The following CLNK variants were observed in gnomAD, a reference collection of about 807,000 sequenced individuals.
CLNK encodes the protein cytokine dependent hematopoietic cell linker, also known as cytokine-dependent hematopoietic cell linker.
A neutral mutation model predicts 68.6 loss-of-function variants in CLNK; 74 were observed. The ratio of observed to expected loss-of-function variants is 1.08; its 90% CI spans 0.89 to 1.31. CLNK has a LOEUF of 1.31. CLNK is among the 50% of genes most tolerant of loss of function. The pLI is 0.00. For missense variants in CLNK, 553 were observed against 515.3 expected, an observed-to-expected ratio of 1.07 and a Z score of -0.71; for synonymous variants, 198 against 172.2, an observed-to-expected ratio of 1.15 and a Z score of -1.17.
chr4:10,516,408 C>T (rs1055621962), intron 15 of CLNK, among the ~76,000 whole-genome samples: 3 of 152,148 alleles, frequency 2.0e-5, no homozygotes, highest in African/African-American at 7.2e-5. Context: ...ATTAATTAAA[C>T]ATTAGCAAAT....
the CLNK span, among the ~76,000 whole-genome samples, chr4:10,702,085 T>A: frequency 1.3e-5 from 2 of 152,186 alleles, no homozygotes; most frequent in African/African-American, 4.8e-5. Flanking sequence ...TGTAAAGACG[T>A]CCCTAGTTTA....
At chr4:10,532,877 C>T (rs990548989) in intron 11 of CLNK, among the ~76,000 whole-genome samples, 1 of 152,232 alleles carries the variant, frequency 6.6e-6, no homozygotes, top group Non-Finnish European at 1.5e-5. Flanking sequence ...AGTCAATTAA[C>T]TTCTCTAAAC....
intron 4 of CLNK, 54 bp from the exon 5 acceptor site, chr4:10,571,832 A>T (rs1282064499): frequency 1.2e-5 from 17 of 1,395,858 alleles, no homozygotes; most frequent in Non-Finnish European, 1.7e-5. Context: ...AGCTCCAAAC[A>T]TCAAAAAGAC....
chr4:10,693,203 G>A, the CLNK span, among the ~76,000 whole-genome samples: 2 of 152,214 alleles, frequency 1.3e-5, no homozygotes, highest in Non-Finnish European at 2.9e-5. Context: ...GCAATGTGAA[G>A]TGATTCTGAT....
rs185322762 is a variant in CLNK at position 10,496,411 on chromosome 4, C to T, written c.1140+4845G>A. ...TTCTTCCTCAGCAAGACAAAAGGCT[C>T]ACGCTGTGAAAAGCATGAGGGAACT... On this transcript the variant is annotated intron_variant, in intron 18 of 18. Coordinates refer to ENST00000226951, the MANE Select transcript of CLNK (RefSeq NM_052964.4). Among the ~76,000 whole-genome samples, 7 of 152,254 alleles carry T rather than the reference C, an allele frequency of 4.6e-5. No individual in the cohort carries two copies. In the East Asian group the frequency reaches 1.4e-3, roughly 29 times the overall value.
chr4:10,719,012 G>A, the CLNK span, among the ~76,000 whole-genome samples: 1 of 151,902 alleles, frequency 6.6e-6, no homozygotes, highest in Non-Finnish European at 1.5e-5. Flanking sequence ...CCTAGAGCAA[G>A]CACTAAAAAT....
intron 2 of CLNK, chr4:10,635,662 C>G (rs1723056665): frequency 6.6e-6 from 1 of 152,166 alleles, no homozygotes; most frequent in African/African-American, 2.4e-5. Flanking sequence ...TAGATACATT[C>G]TAGACTATCT....
At chr4:10,561,458 T>A (rs1719885714) in intron 7 of CLNK, among the ~76,000 whole-genome samples, 1 of 152,188 alleles carries the variant, frequency 6.6e-6, no homozygotes, top group Admixed American at 6.6e-5. Context: ...AGTTGTTTTT[T>A]AAAAAATCAA....
intron 18 of CLNK, 100 bp downstream of exon 18, chr4:10,501,156 T>G (rs1560189878): frequency 2.4e-6 from 3 of 1,238,878 alleles, no homozygotes; most frequent in Non-Finnish European, 3.3e-6. Context: ...ATCCCTCTCC[T>G]TCAGGGCGGC....
At chr4:10,584,985 G>T (rs1175843907) in intron 3 of CLNK, 30 bp from the exon 4 acceptor site, 1 of 1,612,572 alleles carries the variant, frequency 6.2e-7, no homozygotes, top group Non-Finnish European at 8.5e-7. Flanking sequence ...CAAGTTAAAT[G>T]TCCATTGCTC....
chr4:10,733,815 A>G, the CLNK span, among the ~76,000 whole-genome samples: 5 of 152,220 alleles, frequency 3.3e-5, no homozygotes, highest in African/African-American at 1.2e-4. Context: ...CTAGAGTTCT[A>G]CAGAGAATGC....
intron 2 of CLNK, among the ~76,000 whole-genome samples, chr4:10,623,565 G>C (rs1297123147): frequency 6.6e-6 from 1 of 152,178 alleles, no homozygotes; most frequent in Non-Finnish European, 1.5e-5. Flanking sequence ...TGAAGGGCCA[G>C]CTTCTACTTC....
At position 10,519,027 on chromosome 4, in the gene CLNK, C is replaced by A. The variant is rs184887448; in HGVS notation, c.772+1764G>T. ...TTAAGAGAAGGTGGGGTGGTCTTCACTCTGCATTCTTGGGGCCCAGCCCAA... is the reference window on the plus strand; with the variant it reads ...TTAAGAGAAGGTGGGGTGGTCTTCAATCTGCATTCTTGGGGCCCAGCCCAA... On this transcript the variant is annotated intron_variant, in intron 15 of 18. Coordinates refer to ENST00000226951, the MANE Select transcript of CLNK (RefSeq NM_052964.4). 2.2e-3 allele frequency among the ~76,000 whole-genome samples: 332 copies of A among 152,318 alleles called. 2 individuals carry two copies. Among genetic ancestry groups the A allele is most frequent in the Admixed American group, 5.0e-3 (77 of 15,298 alleles).
chr4:10,564,032 T>A (rs1463743207), intron 7 of CLNK, among the ~76,000 whole-genome samples: 1 of 152,086 alleles, frequency 6.6e-6, no homozygotes, highest in Admixed American at 6.5e-5. Context: ...GAAAATTAAG[T>A]GTTAGCAAAT....
chr4:10,630,352 A>G (rs1298731317), intron 2 of CLNK, among the ~76,000 whole-genome samples: 1 of 152,174 alleles, frequency 6.6e-6, no homozygotes, highest in African/African-American at 2.4e-5. Flanking sequence ...CTCCTCATGG[A>G]AAAAAATGGA....
intron 3 of CLNK, among the ~76,000 whole-genome samples, chr4:10,590,244 T>C (rs559106214): frequency 3.3e-4 from 51 of 152,354 alleles, no homozygotes; most frequent in African/African-American, 1.2e-3. Flanking sequence ...ATACATCTAA[T>C]AATCTTTAAT....
intron 8 of CLNK, among the ~76,000 whole-genome samples, chr4:10,552,963 A>T (rs1397011397): frequency 6.6e-6 from 1 of 152,072 alleles, no homozygotes; most frequent in African/African-American, 2.4e-5. Flanking sequence ...ATTGTGATGT[A>T]GGATATGGAA....
intron 8 of CLNK, among the ~76,000 whole-genome samples, chr4:10,548,240 C>A (rs1182142296): frequency 1.3e-5 from 2 of 152,118 alleles, no homozygotes; most frequent in Non-Finnish European, 2.9e-5. Context: ...AGTTGCATTT[C>A]CTTCATGACC....
intron 6 of CLNK, 137 bp from the exon 7 acceptor site, chr4:10,564,914 C>T: frequency 3.1e-6 from 2 of 655,652 alleles, no homozygotes; most frequent in Admixed American, 4.3e-5. Context: ...TTTCATTTAA[C>T]AGAGTAGGAG....
Sources: allele counts gnomAD v4.1 joint callset (sites outside exome capture counted in the v4.1 genomes callset), GRCh38; gene constraint gnomAD v4.1.1; transcripts MANE v1.5; gene names NCBI Gene and HGNC (gene_info 2026-07-23, HGNC 2026-07-21).